Variants in CFDP1 observed in about 807,000 individuals in gnomAD.
CFDP1 encodes heterochromatin-stabilizing protein CFDP1.
A neutral mutation model predicts 40.1 loss-of-function variants in CFDP1; 31 were observed. The ratio of observed to expected loss-of-function variants is 0.77; its 90% CI spans 0.58 to 1.04. The LOEUF is 1.04. CFDP1 is among the 50% of genes least tolerant of loss of function. The pLI is 0.00. For synonymous variants in CFDP1, 167 were observed against 120.0 expected (o/e 1.39, Z -2.56); for missense variants, 423 against 343.4 (o/e 1.23, Z -1.83).
intron 5 of CFDP1, among the ~76,000 whole-genome samples, chr16:75,366,628 C>CAA (rs902125426): frequency 6.6e-6 from 1 of 151,972 alleles, no homozygotes; most frequent in African/African-American, 2.4e-5. Context: ...GACTCTGTCT[C>CAA]AAAAACAAAC....
rs1555564839 is a variant in CFDP1 at position 75,405,759 on chromosome 16, A to AC, written c.530+6065_530+6066insG. Reference sequence around the variant, plus strand: ...AGTGAGACTCCATCTCAAAAAAAAAAAAAAAACAAATGAGCCAGGCGTGGT... The same window carrying AC: ...AGTGAGACTCCATCTCAAAAAAAAAACAAAAAACAAATGAGCCAGGCGTGGT... On this transcript the variant is annotated intron_variant, in intron 4 of 6. Coordinates refer to ENST00000283882, the MANE Select transcript of CFDP1 (RefSeq NM_006324.3). Among the ~76,000 whole-genome samples the AC allele has an allele frequency of 5.3e-4, 79 of 150,276 alleles. 1 individual carries two copies. The highest frequency in any genetic ancestry group is 1.6e-4 in the Non-Finnish European group (11 of 67,534).
chr16:75,390,621 G>C (rs1205813212), intron 5 of CFDP1, among the ~76,000 whole-genome samples: 2 of 152,250 alleles, frequency 1.3e-5, no homozygotes, highest in Admixed American at 6.5e-5. Flanking sequence ...TGTTCTCACA[G>C]TTTTAACAAG....
At chr16:75,396,100 C>T (rs566272942) in intron 4 of CFDP1, among the ~76,000 whole-genome samples, 1 of 103,678 alleles carries the variant, frequency 9.6e-6, no homozygotes, top group African/African-American at 2.9e-5. Context: ...CTGAAAAAGG[C>T]CCTCACACTG....
At chr16:75,421,193 C>G (rs1332247267) in intron 1 of CFDP1, among the ~76,000 whole-genome samples, 3 of 152,178 alleles carry the variant, frequency 2.0e-5, no homozygotes, top group Admixed American at 6.5e-5. Context: ...GGATTCAAAG[C>G]TGCAAGGCAG....
chr16:75,349,648 C>G (rs1434235269), intron 5 of CFDP1, among the ~76,000 whole-genome samples: 2 of 38,390 alleles, frequency 5.2e-5, no homozygotes, highest in African/African-American at 2.0e-4. Context: ...GAGACTCCGT[C>G]TCAAAAAAAA....
chr16:75,359,454 T>G (rs17696696), intron 5 of CFDP1, among the ~76,000 whole-genome samples: 79,351 of 151,962 alleles, frequency 0.52, 21,705 homozygotes, highest in Admixed American at 0.64. Context: ...CTGTGAAGGG[T>G]ATTAAGTGCT....
intron 4 of CFDP1, chr16:75,406,765 C>G (rs2079103516): frequency 6.6e-6 from 1 of 152,100 alleles, no homozygotes; most frequent in Non-Finnish European, 1.5e-5. Context: ...TAACTCATGC[C>G]TGTAATCCCA....
chr16:75,350,653 ACT>A (rs1393200033), intron 5 of CFDP1, among the ~76,000 whole-genome samples: 3 of 152,304 alleles, frequency 2.0e-5, no homozygotes, highest in African/African-American at 7.2e-5. Context: ...TCATTGCAAG[ACT>A]CTGTAATAAC....
At chr16:75,371,024 T>G (rs2078747592) in intron 5 of CFDP1, among the ~76,000 whole-genome samples, 1 of 152,206 alleles carries the variant, frequency 6.6e-6, no homozygotes, top group South Asian at 2.1e-4. Context: ...CTGTGCCAAG[T>G]GCAGAAAAAA....
intron 5 of CFDP1, among the ~76,000 whole-genome samples, chr16:75,366,444 G>GAA: frequency 6.6e-6 from 1 of 152,002 alleles, no homozygotes; most frequent in East Asian, 1.9e-4. Context: ...CCAACATGGT[G>GAA]AAACCCTGTC....
intron 5 of CFDP1, among the ~76,000 whole-genome samples, chr16:75,346,967 G>A (rs910362842): frequency 3.9e-5 from 6 of 152,150 alleles, no homozygotes; most frequent in Middle Eastern, 6.8e-3. Flanking sequence ...GTCACAATGC[G>A]TCCCGGGAGC....
chr16:75,411,267 T>G (rs886804203), intron 4 of CFDP1, among the ~76,000 whole-genome samples: 1 of 151,896 alleles, frequency 6.6e-6, no homozygotes, highest in Non-Finnish European at 1.5e-5. Flanking sequence ...TAGCTGGGTA[T>G]GGTGGCGTGT....
intron 5 of CFDP1, among the ~76,000 whole-genome samples, chr16:75,339,192 C>G (rs912264918): frequency 6.6e-6 from 1 of 151,982 alleles, no homozygotes; most frequent in Non-Finnish European, 1.5e-5. Flanking sequence ...GCCTTTCTAT[C>G]TCTTTGTCTT....
chr16:75,393,127 C>A (rs1402938502), intron 5 of CFDP1, among the ~76,000 whole-genome samples: 3 of 152,194 alleles, frequency 2.0e-5, no homozygotes, highest in Admixed American at 6.5e-5. Flanking sequence ...AGCTCTGAGC[C>A]AATGTCCGAT....
chr16:75,322,900 C>A (rs1371754138), intron 5 of CFDP1, among the ~76,000 whole-genome samples: 1 of 152,074 alleles, frequency 6.6e-6, no homozygotes, highest in African/African-American at 2.4e-5. Flanking sequence ...ACCCGCAGGA[C>A]TGGAAGTTGC....
chr16:75,294,948 C>T (rs2078172098), intron 6 of CFDP1, among the ~76,000 whole-genome samples: 1 of 152,214 alleles, frequency 6.6e-6, no homozygotes, highest in Non-Finnish European at 1.5e-5. Context: ...CATCTTAATG[C>T]ACCTCCTCAC....
intron 5 of CFDP1, among the ~76,000 whole-genome samples, chr16:75,363,942 A>AACACACACACACACACACACAC (rs10635711): frequency 1.6e-4 from 23 of 142,942 alleles, no homozygotes; most frequent in South Asian, 9.2e-4. Flanking sequence ...AAAGAGGTGA[A>AACACACACACACACACACACAC]ACACACACAC....
At chr16:75,354,159 G>C (rs1306298190) in intron 5 of CFDP1, among the ~76,000 whole-genome samples, 1 of 152,198 alleles carries the variant, frequency 6.6e-6, no homozygotes, top group Admixed American at 6.5e-5. Flanking sequence ...ACAGGCTAAG[G>C]TAAGTGTTGT....
In CFDP1 at chr16:75,395,108, G is replaced by A. The variant is rs147621478; in HGVS notation, c.632C>T (p.Ser211Leu). Residue 211 changes from serine to leucine, a missense_variant, in exon 5 of 7, where the codon TCA (serine) becomes TTA (leucine). Ser to Leu is a moderately radical substitution (Grantham distance 145). Coordinates refer to ENST00000283882, the MANE Select transcript of CFDP1 (RefSeq NM_006324.3). ...PQANVPSALP[S>L]LPAGSGLKRS... ...TACTCACCCTGACCCGGCAGGGAGT[G>A]ATGGCAGAGCTGAAGGAACATTAGC... is the stretch of plus-strand genomic sequence containing the variant. The A allele has an allele frequency of 3.7e-6, 6 of 1,613,912 alleles. No homozygotes were observed. The highest frequency in any genetic ancestry group is 1.7e-5 in the Admixed American group (1 of 60,008).
Sources: allele counts gnomAD v4.1 joint callset (sites outside exome capture counted in the v4.1 genomes callset), GRCh38; gene constraint gnomAD v4.1.1; transcripts MANE v1.5; gene names NCBI Gene and HGNC (gene_info 2026-07-23, HGNC 2026-07-21).